The following CD96 variants were observed in gnomAD, a reference collection of about 807,000 sequenced individuals.
CD96 encodes the protein CD96 molecule, also known as T-cell surface protein tactile.
Under a neutral mutation model 71.3 loss-of-function variants are expected in CD96, and 70 were observed. That is an observed-to-expected ratio of 0.98 (90% CI 0.81 to 1.20). The LOEUF is 1.20. Among genes scored for constraint, CD96 ranks in the 50% most tolerant of loss-of-function variants. The pLI is 0.00. For synonymous variants in CD96, 248 were observed against 233.0 expected, an observed-to-expected ratio of 1.06 and a Z score of -0.59; for missense variants, 742 against 677.5, an observed-to-expected ratio of 1.10 and a Z score of -1.06.
intron 5 of CD96, among the ~76,000 whole-genome samples, chr3:111,589,263 T>C (rs1168578140): frequency 6.6e-6 from 1 of 152,196 alleles, no homozygotes. Flanking sequence ...TTTTGTTTTT[T>C]ATAAGGATCT....
intron 10 of CD96, among the ~76,000 whole-genome samples, chr3:111,624,979 G>A (rs925626697): frequency 7.9e-5 from 12 of 152,210 alleles, no homozygotes; most frequent in Non-Finnish European, 1.2e-4. Context: ...ATTAGACAAC[G>A]ATCAGTGTGG....
chr3:111,587,540 T>C (rs547748366), intron 5 of CD96, among the ~76,000 whole-genome samples: 1 of 152,310 alleles, frequency 6.6e-6, no homozygotes, highest in Non-Finnish European at 1.5e-5. Context: ...ATCTGAAGAA[T>C]GGTGGTCCTC....
At chr3:111,665,126 A>T (rs1475020087) in intron 14 of CD96, among the ~76,000 whole-genome samples, 1 of 152,052 alleles carries the variant, frequency 6.6e-6, no homozygotes, top group African/African-American at 2.4e-5. Context: ...TGACAAAGTA[A>T]AGGGGGTAAA....
At chr3:111,660,957 A>C (rs1181558215) in intron 14 of CD96, among the ~76,000 whole-genome samples, 6 of 152,214 alleles carry the variant, frequency 3.9e-5, no homozygotes, top group Middle Eastern at 3.2e-3. Flanking sequence ...TGGCCTTTCT[A>C]CTAGTCCATT....
intron 5 of CD96, among the ~76,000 whole-genome samples, chr3:111,591,021 C>A (rs34111129): frequency 1.3e-5 from 2 of 152,040 alleles, no homozygotes; most frequent in Non-Finnish European, 2.9e-5. Flanking sequence ...GAAACAAAAG[C>A]AGTTTGGGGT....
In CD96 at chr3:111,600,747, A is replaced by T. The variant is rs1488796089; in HGVS notation, c.920A>T (p.Glu307Val). 2 of 1,612,448 alleles carry T rather than the reference A, an allele frequency of 1.2e-6. No homozygotes were observed. Among genetic ancestry groups the T allele is most frequent in the South Asian group, 1.1e-5 (1 of 91,062 alleles). Reference sequence around the variant, plus strand: ...GCAGGAATATATATTACTAATGAAGAGAGAAAAGGCAAAGATGGATTTTTG... The same window carrying T: ...GCAGGAATATATATTACTAATGAAGTGAGAAAAGGCAAAGATGGATTTTTG... ...EKEGIYITNE[E>V]RKGKDGFLEL... is the part of the protein sequence containing the mutation. The change falls in exon 7 of 14, where the codon GAG becomes GTG. Residue 307 changes from glutamate (E) to valine (V), a missense_variant. Transcript: ENST00000352690.
At chr3:111,579,661 A>T (rs1369865098) in intron 4 of CD96, among the ~76,000 whole-genome samples, 1 of 152,178 alleles carries the variant, frequency 6.6e-6, no homozygotes, top group African/African-American at 2.4e-5. Context: ...GAGGGGACAG[A>T]GTTTGCTAAT....
At position 111,552,442 on chromosome 3, in the gene CD96, C is replaced by G. The variant is rs139622013; in HGVS notation, c.418+7040C>G. ...GTTTTGATCTTGGACTTTCCAGCCT[C>G]AAGAACTGAGATAAACAAATATGTC... is the stretch of plus-strand genomic sequence containing the variant. On this transcript the variant is annotated intron_variant, in intron 2 of 13. Coordinates refer to ENST00000352690, the MANE Select transcript of CD96 (RefSeq NM_005816.5). Among the ~76,000 whole-genome samples the G allele has an allele frequency of 3.1e-4, 47 of 152,228 alleles. 1 individual carries two copies. The highest frequency in any genetic ancestry group is 1.1e-3 in the African/African-American group (45 of 41,538).
At chr3:111,661,355 C>T (rs1940350350) in intron 14 of CD96, among the ~76,000 whole-genome samples, 1 of 152,154 alleles carries the variant, frequency 6.6e-6, no homozygotes, top group Non-Finnish European at 1.5e-5. Flanking sequence ...CGGGTCCTTC[C>T]CAAATATCAT....
intron 12 of CD96, 37 bp from the exon 13 acceptor site, chr3:111,647,506 T>C (rs764093515): frequency 1.2e-6 from 2 of 1,604,308 alleles, no homozygotes; most frequent in East Asian, 2.2e-5. Context: ...TGCCAAAGTT[T>C]GGGATTAAAG....
chr3:111,662,904 G>A (rs7612717), intron 14 of CD96, among the ~76,000 whole-genome samples: 2 of 152,176 alleles, frequency 1.3e-5, no homozygotes, highest in African/African-American at 2.4e-5. Flanking sequence ...CACATTTTCA[G>A]GTATCTTTAT....
chr3:111,610,184 C>T, intron 8 of CD96, among the ~76,000 whole-genome samples: 1 of 152,192 alleles, frequency 6.6e-6, no homozygotes, highest in East Asian at 1.9e-4. Context: ...GTCAATAAAA[C>T]TCATGTTAAA....
intron 2 of CD96, among the ~76,000 whole-genome samples, chr3:111,554,010 G>A (rs1379126711): frequency 6.6e-6 from 1 of 151,836 alleles, no homozygotes; most frequent in African/African-American, 2.4e-5. Context: ...TATTGGTCCT[G>A]ATTTTAAGTT....
chr3:111,547,186 A>G lies in CD96; in HGVS notation c.418+1784A>G, dbSNP rs538705497. Among the ~76,000 whole-genome samples the G allele has an allele frequency of 3.3e-5, 5 of 152,308 alleles. No individual in the cohort carries two copies. The East Asian group carries it at 7.7e-4, about 23-fold the overall frequency. On this transcript the variant is annotated intron_variant, in intron 2 of 13. Transcript: ENST00000352690. ...ACTAGCTTGGTGATTAAATGAGATAATCTGTGTAATGCACTTAAACATATA... is the reference window on the plus strand; with the variant it reads ...ACTAGCTTGGTGATTAAATGAGATAGTCTGTGTAATGCACTTAAACATATA...
At chr3:111,639,447 C>A (rs1189564341) in intron 12 of CD96, among the ~76,000 whole-genome samples, 1 of 152,166 alleles carries the variant, frequency 6.6e-6, no homozygotes, top group Admixed American at 6.5e-5. Flanking sequence ...GGGAATCTCA[C>A]CCCCATCCCC....
At chr3:111,567,674 A>G in intron 3 of CD96, 27 bp downstream of exon 3, 2 of 1,597,576 alleles carry the variant, frequency 1.3e-6, no homozygotes, top group South Asian at 1.1e-5. Context: ...TCAGTGAATA[A>G]CCTCAATGGT....
At chr3:111,599,941 T>C (rs565079120) in intron 6 of CD96, among the ~76,000 whole-genome samples, 3 of 152,360 alleles carry the variant, frequency 2.0e-5, no homozygotes, top group South Asian at 2.1e-4. Context: ...TTCTGACATA[T>C]AGTGATAGTT....
chr3:111,622,484 CA>C (rs1184036962), intron 8 of CD96, among the ~76,000 whole-genome samples: 3 of 151,782 alleles, frequency 2.0e-5, no homozygotes, highest in Non-Finnish European at 4.4e-5. Flanking sequence ...GGCTGCATTG[CA>C]AAAAAAGGTT....
At chr3:111,582,317 G>A (rs890633725) in intron 4 of CD96, among the ~76,000 whole-genome samples, 1 of 152,154 alleles carries the variant, frequency 6.6e-6, no homozygotes, top group African/African-American at 2.4e-5. Context: ...TGTTTGCTAT[G>A]CTCAAGAATT....
Sources: gnomAD v4.1 joint callset for allele counts (sites outside exome capture counted in the v4.1 genomes callset) on GRCh38, gnomAD v4.1.1 for gene constraint, MANE v1.5 for transcripts, NCBI Gene and HGNC (gene_info 2026-07-23, HGNC 2026-07-21) for gene names.